Variants in QKI observed in about 807,000 individuals in gnomAD.
The protein encoded by QKI is KH domain-containing RNA-binding protein QKI.
A neutral mutation model predicts 39.0 loss-of-function variants in QKI; 10 were observed. The observed-to-expected ratio is 0.26, with a 90% confidence interval of 0.16 to 0.43. The LOEUF (loss-of-function observed/expected upper bound fraction) is 0.43, where lower values mean the gene tolerates loss of function less well. QKI is among the 20% of genes least tolerant of loss of function. The pLI, the probability that QKI is intolerant of heterozygous loss-of-function variation, is 1.00. For missense variants in QKI, 218 were observed against 428.0 expected (o/e 0.51, Z 4.33); for synonymous variants, 204 against 155.4 (o/e 1.31, Z -2.33).
At chr6:163,551,077 T>C (rs1400813931) in intron 4 of QKI, among the ~76,000 whole-genome samples, 2 of 152,154 alleles carry the variant, frequency 1.3e-5, no homozygotes, top group African/African-American at 2.4e-5. Flanking sequence ...AAAACTAGTA[T>C]GTTAGAAAAA....
chr6:163,433,977 G>T (rs184428207), intron 1 of QKI, among the ~76,000 whole-genome samples: 1 of 152,250 alleles, frequency 6.6e-6, no homozygotes, highest in East Asian at 1.9e-4. Flanking sequence ...TTTTAAAAAG[G>T]TTGGTTGTGA....
intron 7 of QKI, chr6:163,569,283 A>G (rs1783562397): frequency 9.9e-7 from 1 of 1,015,094 alleles, no homozygotes. Context: ...TAAATGATAG[A>G]CTATAGAAAA....
rs73787646 is a variant in QKI at position 163,442,982 on chromosome 6, A to G, written c.143-12297A>G. Among the ~76,000 whole-genome samples, 507 of 152,326 alleles carry G rather than the reference A, an allele frequency of 3.3e-3. 4 individuals carry two copies. Among genetic ancestry groups the G allele is most frequent in the African/African-American group, 0.011 (477 of 41,574 alleles). On this transcript the variant is annotated intron_variant, in intron 1 of 7. Coordinates refer to ENST00000361752, the MANE Select transcript of QKI (RefSeq NM_006775.3). ...ATTATATGATAGAATGTACACTTGAAGAGGCAGTAAAAAAGTAATAAATGT... is the reference window on the plus strand; with the variant it reads ...ATTATATGATAGAATGTACACTTGAGGAGGCAGTAAAAAAGTAATAAATGT...
chr6:163,528,949 G>A (rs144499626), intron 3 of QKI, among the ~76,000 whole-genome samples: 146 of 152,200 alleles, frequency 9.6e-4, no homozygotes, highest in African/African-American at 3.3e-3. Flanking sequence ...GTTATATTGA[G>A]ATAGAACTTT....
chr6:163,462,710 G>T (rs545785002), intron 2 of QKI, among the ~76,000 whole-genome samples: 1 of 152,172 alleles, frequency 6.6e-6, no homozygotes, highest in Admixed American at 6.5e-5. Flanking sequence ...GGAAATGTTT[G>T]TGTGTGGTCT....
chr6:163,481,615 T>C (rs894567256), intron 3 of QKI, among the ~76,000 whole-genome samples: 2 of 152,244 alleles, frequency 1.3e-5, no homozygotes, highest in Admixed American at 6.5e-5. Context: ...GTTAGTACTA[T>C]ATTATTCTAA....
rs973199463 is a variant in QKI, at chr6:163,447,191, A to G, written c.143-8088A>G. ...TGGTCCAGTTTCTTTTATTTTTTTGATTTACCTTTTCTTTATTTTTATTGA... is the reference window on the plus strand; with the variant it reads ...TGGTCCAGTTTCTTTTATTTTTTTGGTTTACCTTTTCTTTATTTTTATTGA... On this transcript the variant is annotated intron_variant, in intron 1 of 7. Transcript: ENST00000361752. 1.4e-5 allele frequency among the ~76,000 whole-genome samples: 2 copies of G among 138,196 alleles called. 1 individual carries two copies. The highest frequency in any genetic ancestry group is 3.2e-5 in the Non-Finnish European group (2 of 63,100). The allele number at this position is 138,196 out of a possible 152,430, so 90.7% of individuals were successfully genotyped here.
At chr6:163,499,419 CT>C (rs951038922) in intron 3 of QKI, among the ~76,000 whole-genome samples, 3 of 152,118 alleles carry the variant, frequency 2.0e-5, no homozygotes, top group African/African-American at 7.2e-5. Context: ...AGGAATTCTC[CT>C]TTGATGATAT....
At chr6:163,570,383 T>C (rs1783629242) in intron 7 of QKI, 1 of 983,856 alleles carries the variant, frequency 1.0e-6, no homozygotes, top group South Asian at 4.7e-5. Context: ...ATTTCCTTCA[T>C]TGACTGCTAC....
chr6:163,453,242 A>G (rs939483665), intron 1 of QKI, among the ~76,000 whole-genome samples: 3 of 151,896 alleles, frequency 2.0e-5, no homozygotes, highest in Admixed American at 6.6e-5. Context: ...AAATTCTACT[A>G]TATCTTAGTG....
intron 3 of QKI, among the ~76,000 whole-genome samples, chr6:163,513,779 CCA>C (rs751874903): frequency 1.3e-5 from 2 of 152,118 alleles, no homozygotes; most frequent in Admixed American, 6.5e-5. Flanking sequence ...TAGCTTGCCA[CCA>C]CAGTTTCATG....
chr6:163,556,503 C>CA (rs61233361), intron 4 of QKI, among the ~76,000 whole-genome samples: 7,138 of 82,910 alleles, frequency 0.086, 246 homozygotes, highest in South Asian at 0.095. Flanking sequence ...AATTCCACCT[C>CA]AAAAAAAAAA....
Position 163,524,494 on chromosome 6 carries a change from G to A in QKI, c.403-10488G>A, listed in dbSNP as rs980417827. On this transcript the variant is annotated intron_variant, in intron 3 of 7. Transcript: ENST00000361752. ...TTTTTATTTTTTGAGATGGAGTTTC[G>A]TTTCGCTCTTGTTGCCCAGGCTGGA... 3.3e-5 allele frequency among the ~76,000 whole-genome samples: 5 copies of A among 151,640 alleles called. No homozygotes were observed. In the South Asian group the frequency reaches 6.3e-4, roughly 19 times the overall value.
chr6:163,541,244 A>G (rs1227184009), intron 4 of QKI, among the ~76,000 whole-genome samples: 4 of 151,994 alleles, frequency 2.6e-5, no homozygotes, highest in African/African-American at 4.8e-5. Context: ...TTTATTTCCA[A>G]ATGTTTCCAA....
intron 7 of QKI, chr6:163,567,376 T>A (rs891779948): frequency 6.1e-6 from 6 of 984,798 alleles, no homozygotes; most frequent in Non-Finnish European, 7.2e-6. Flanking sequence ...GATTTTTTTA[T>A]ATAAATTAGA....
chr6:163,578,549 C>A lies in QKI; in HGVS notation c.*7839C>A, dbSNP rs904272718. 3.9e-5 allele frequency: 6 copies of A among 152,178 alleles called. No homozygotes were observed. Among genetic ancestry groups the A allele is most frequent in the African/African-American group, 1.4e-4 (6 of 41,436 alleles). 9.4% of individuals were successfully genotyped at this position (152,178 alleles called of 1,614,324 possible). ...TTAATATGCTTTTGTTCATTGCTTTCTCACTGAGGTAAAACAGCATTAAAA... is the reference window on the plus strand; with the variant it reads ...TTAATATGCTTTTGTTCATTGCTTTATCACTGAGGTAAAACAGCATTAAAA... On this transcript the variant is annotated 3_prime_UTR_variant, in exon 8 of 8. Transcript: ENST00000361752.
chr6:163,502,659 CTTATT>C (rs1562492709), intron 3 of QKI, among the ~76,000 whole-genome samples: 2 of 152,088 alleles, frequency 1.3e-5, no homozygotes, highest in African/African-American at 4.8e-5. Flanking sequence ...TCATTTTGAA[CTTATT>C]TTATACATGA....
In QKI at chr6:163,574,596, T is replaced by C. The variant is rs1415262759; in HGVS notation, c.*3886T>C. The C allele has an allele frequency of 6.6e-6, 1 of 152,232 alleles. No homozygotes were observed. Among genetic ancestry groups the C allele is most frequent in the Non-Finnish European group, 1.5e-5 (1 of 68,040 alleles). The allele number at this position is 152,232 out of a possible 1,614,324, so 9.4% of individuals were successfully genotyped here. The stretch of plus-strand genomic sequence containing the variant: ...AATAACATTGGGATTTGAAAAGTTG[T>C]ATGTGATTAATTTCTTGCATGCAAA... On this transcript the variant is annotated 3_prime_UTR_variant, in exon 8 of 8. Transcript: ENST00000361752.
chr6:163,545,191 ATT>A (rs1781793077), intron 4 of QKI, among the ~76,000 whole-genome samples: 2 of 152,246 alleles, frequency 1.3e-5, no homozygotes, highest in South Asian at 4.1e-4. Flanking sequence ...CACTGCAGAA[ATT>A]TAAATGTGCT....
Sources: allele counts gnomAD v4.1 joint callset (sites outside exome capture counted in the v4.1 genomes callset), GRCh38; gene constraint gnomAD v4.1.1; transcripts MANE v1.5; gene names NCBI Gene and HGNC (gene_info 2026-07-23, HGNC 2026-07-21).